Variants in DST observed in about 807,000 individuals in gnomAD.
DST encodes the protein bullous pemphigoid antigen.
DST carries 253 observed loss-of-function variants against 875.2 expected under a neutral mutation model. The observed-to-expected ratio is 0.29, with a 90% CI of 0.26 to 0.32. DST has a LOEUF of 0.32. Among genes scored for constraint, DST ranks in the 10% least tolerant of loss-of-function variants. The pLI, the probability that DST is intolerant of heterozygous loss-of-function variation, is 1.00. For synonymous variants in DST, 3,124 were observed against 3,197.1 expected (o/e 0.98, Z 0.77); for missense variants, 8,287 against 9,111.6 (o/e 0.91, Z 3.68).
chr6:56,603,833 T>A lies in DST; in HGVS notation c.10791+4A>T, dbSNP rs2098469650. 6.2e-7 allele frequency: 1 copy of A among 1,605,808 alleles called. No individual in the cohort carries two copies. Among genetic ancestry groups the A allele is most frequent in the African/African-American group, 1.3e-5 (1 of 74,350 alleles). Reference sequence around the variant, plus strand: ...TTCTGTATAAAATGTATAGGTCAACTTACTTGTTCGGTTGAGCTATCTCCA... The same window carrying A: ...TTCTGTATAAAATGTATAGGTCAACATACTTGTTCGGTTGAGCTATCTCCA... On this transcript the variant is annotated splice_donor_region_variant and intron_variant, in intron 40 of 103. Coordinates refer to ENST00000680361, the MANE Select transcript of DST (RefSeq NM_001374736.1).
chr6:56,908,122 T>TAC (rs890865278), intron 2 of DST, among the ~76,000 whole-genome samples: 1 of 151,344 alleles, frequency 6.6e-6, no homozygotes, highest in African/African-American at 2.4e-5. Flanking sequence ...CACACATATA[T>TAC]ACACACATAT....
At chr6:56,950,101 A>C (rs1283987577) in intron 2 of DST, among the ~76,000 whole-genome samples, 1 of 152,222 alleles carries the variant, frequency 6.6e-6, no homozygotes, top group African/African-American at 2.4e-5. Context: ...ATTCAACACC[A>C]GAGGACAGAC....
At chr6:56,752,374 G>T (rs192784942) in intron 4 of DST, among the ~76,000 whole-genome samples, 1 of 151,604 alleles carries the variant, frequency 6.6e-6, no homozygotes, top group Non-Finnish European at 1.5e-5. Context: ...AATTTTAAGT[G>T]TTCTGTTCAA....
At chr6:56,492,097 CCACCATGG>C in intron 85 of DST, 122 bp downstream of exon 85, 1 of 859,310 alleles carries the variant, frequency 1.2e-6, no homozygotes, top group Admixed American at 2.9e-5. Flanking sequence ...TAGGAAAGAA[CCACCATGG>C]CACCATGCCA....
intron 4 of DST, among the ~76,000 whole-genome samples, chr6:56,804,234 C>T (rs948125448): frequency 1.3e-5 from 2 of 152,108 alleles, no homozygotes; most frequent in Non-Finnish European, 2.9e-5. Context: ...GAGAGATCAT[C>T]TGTGACTCTG....
At chr6:56,650,425 CT>C (rs887812227) in intron 12 of DST, among the ~76,000 whole-genome samples, 1 of 151,558 alleles carries the variant, frequency 6.6e-6, no homozygotes, top group African/African-American at 2.4e-5. Context: ...TGTCAGAGAC[CT>C]TTCCCTGCTT....
intron 61 of DST, among the ~76,000 whole-genome samples, chr6:56,547,315 C>A (rs2097248487): frequency 6.6e-6 from 1 of 152,174 alleles, no homozygotes; most frequent in Admixed American, 6.6e-5. Flanking sequence ...TCTTGACCAG[C>A]ATATGGAGTA....
chr6:56,786,938 T>C (rs552972633), intron 4 of DST, among the ~76,000 whole-genome samples: 42 of 152,322 alleles, frequency 2.8e-4, no homozygotes, highest in African/African-American at 9.6e-4. Flanking sequence ...TGTGGTTCCT[T>C]TTTAAAATTA....
At position 56,627,125 on chromosome 6, in the gene DST, G is replaced by T. The variant is rs1035305244; in HGVS notation, c.4722+79C>A. On this transcript the variant is annotated intron_variant, in intron 34 of 103. Transcript: ENST00000680361. ...GATTCTTTTAAACACTGAGTGAAATGACTTGCATGGCTTTAACAGTACATG... is the reference window on the plus strand; with the variant it reads ...GATTCTTTTAAACACTGAGTGAAATTACTTGCATGGCTTTAACAGTACATG... The T allele has an allele frequency of 7.7e-6, 8 of 1,040,250 alleles. No individual in the cohort carries two copies. In the South Asian group the frequency reaches 1.0e-4, roughly 13 times the overall value. 64.4% of individuals were successfully genotyped at this position (1,040,250 alleles called of 1,614,324 possible).
intron 4 of DST, among the ~76,000 whole-genome samples, chr6:56,747,241 T>A (rs1563985219): frequency 6.6e-6 from 1 of 152,226 alleles, no homozygotes; most frequent in African/African-American, 2.4e-5. Flanking sequence ...TAAGCTGAGA[T>A]GTAAACTACA....
chr6:56,560,181 A>G lies in DST; in HGVS notation c.14440+113T>C, dbSNP rs1334857882. 2.7e-6 allele frequency: 3 copies of G among 1,104,706 alleles called. No homozygotes were observed. The African/African-American group carries it at 4.8e-5, about 18-fold the overall frequency. 68.4% of individuals were successfully genotyped at this position (1,104,706 alleles called of 1,614,324 possible). A position where few individuals can be genotyped will look rare whatever the true frequency, so the allele number is the denominator to read the frequency against. Reference sequence around the variant, plus strand: ...TGCAAAAAATAGATTCTGAAACATTAAAGCAAATCCAAAAATAAGTGACTG... The same window carrying G: ...TGCAAAAAATAGATTCTGAAACATTGAAGCAAATCCAAAAATAAGTGACTG... On this transcript the variant is annotated intron_variant, in intron 58 of 103. Transcript: ENST00000680361.
intron 25 of DST, 65 bp downstream of exon 25, chr6:56,634,736 T>C (rs1398155226): frequency 1.2e-6 from 2 of 1,601,940 alleles, no homozygotes; most frequent in Non-Finnish European, 1.7e-6. Context: ...GTTAGCAATA[T>C]GATCTCATTT....
intron 9 of DST, among the ~76,000 whole-genome samples, chr6:56,672,872 A>G (rs543526714): frequency 4.8e-4 from 73 of 152,338 alleles, no homozygotes; most frequent in African/African-American, 1.8e-3. Flanking sequence ...GAGAGGAATA[A>G]AAGAATAAGT....
At chr6:56,810,099 G>C (rs1352261208) in intron 4 of DST, among the ~76,000 whole-genome samples, 1 of 152,194 alleles carries the variant, frequency 6.6e-6, no homozygotes, top group African/African-American at 2.4e-5. Context: ...GGCCAAGGCA[G>C]AAGGACTGCT....
chr6:56,627,847 G>A (rs2098747631), intron 33 of DST, 152 bp downstream of exon 33: 1 of 701,476 alleles, frequency 1.4e-6, no homozygotes, highest in South Asian at 1.8e-5. Flanking sequence ...ATGTATGTAG[G>A]TTTGGGTTGC....
At position 56,552,337 on chromosome 6, in the gene DST, C is replaced by T. The variant is rs1164796881; in HGVS notation, c.16455G>A (p.Glu5485=). ...KLLDRAQARE[E]QVEGTIKRLE... ...GGCGCTTAATTGTCCCTTCAACCTG[C>T]TCTTCTCTGGCTTGGGCTCGGTCCA... Residue 5485 remains glutamate, a synonymous_variant, in exon 61 of 104, where the codon GAG becomes GAA. Coordinates refer to ENST00000680361, the MANE Select transcript of DST (RefSeq NM_001374736.1). The T allele has an allele frequency of 6.2e-7, 1 of 1,613,858 alleles. No individual in the cohort carries two copies. Among genetic ancestry groups the T allele is most frequent in the Non-Finnish European group, 8.5e-7 (1 of 1,179,902 alleles).
intron 74 of DST, among the ~76,000 whole-genome samples, chr6:56,509,327 A>C (rs983248175): frequency 6.6e-6 from 1 of 152,130 alleles, no homozygotes; most frequent in Non-Finnish European, 1.5e-5. Context: ...ATGAGGAAAA[A>C]ACCCCAGATA....
intron 9 of DST, among the ~76,000 whole-genome samples, chr6:56,671,061 T>C (rs2099098774): frequency 6.6e-6 from 1 of 152,202 alleles, no homozygotes; most frequent in Non-Finnish European, 1.5e-5. Flanking sequence ...CTCTCCCTTA[T>C]AAATTTTCCC....
intron 103 of DST, among the ~76,000 whole-genome samples, chr6:56,459,539 CAT>C (rs2152367627): frequency 6.6e-6 from 1 of 152,282 alleles, no homozygotes; most frequent in African/African-American, 2.4e-5. Context: ...TGCAAACAGA[CAT>C]AAGGAATATA....
Sources: gnomAD v4.1 joint callset for allele counts (sites outside exome capture counted in the v4.1 genomes callset) on GRCh38, gnomAD v4.1.1 for gene constraint, MANE v1.5 for transcripts, NCBI Gene and HGNC (gene_info 2026-07-23, HGNC 2026-07-21) for gene names.